The following DAP variants were observed in gnomAD, a reference collection of about 807,000 sequenced individuals.
DAP encodes the protein death-associated protein 1.
Under a neutral mutation model 13.8 loss-of-function variants are expected in DAP, and 8 were observed. The ratio of observed to expected loss-of-function variants is 0.58; its 90% confidence interval spans 0.34 to 1.05. The LOEUF (loss-of-function observed/expected upper bound fraction) is 1.05. DAP is among the 50% of genes least tolerant of loss of function. DAP has a pLI of 0.03. For synonymous variants in DAP, 47 were observed against 47.5 expected, an observed-to-expected ratio of 0.99 and a Z score of 0.04; for missense variants, 106 against 133.2, an observed-to-expected ratio of 0.80 and a Z score of 1.01.
chr5:10,703,881 C>A (rs1056008890), intron 2 of DAP, among the ~76,000 whole-genome samples: 2 of 152,254 alleles, frequency 1.3e-5, no homozygotes, highest in African/African-American at 4.8e-5. Context: ...TCCAGCCTTG[C>A]TGGGGGCCAG....
chr5:10,742,830 C>T (rs1004790867), intron 2 of DAP, among the ~76,000 whole-genome samples: 1 of 152,128 alleles, frequency 6.6e-6, no homozygotes, highest in South Asian at 2.1e-4. Flanking sequence ...GTTCTTTAGG[C>T]CCTCTCAGTG....
At chr5:10,681,282 T>C (rs2126631284) in intron 3 of DAP, 113 bp from the exon 4 acceptor site, 2 of 801,348 alleles carry the variant, frequency 2.5e-6, no homozygotes, top group South Asian at 4.1e-5. Flanking sequence ...AGCAATTGTG[T>C]GTGAGGAAGC....
At chr5:10,700,779 C>G (rs1463210394) in intron 2 of DAP, among the ~76,000 whole-genome samples, 1 of 152,222 alleles carries the variant, frequency 6.6e-6, no homozygotes, top group Non-Finnish European at 1.5e-5. Flanking sequence ...CATTATAGGA[C>G]TCAAGGCTGA....
chr5:10,680,684 C>T lies in DAP; in HGVS notation c.*372G>A. 1 of 1,498,292 alleles carries T rather than the reference C, an allele frequency of 6.7e-7. No homozygotes were observed. Among genetic ancestry groups the T allele is most frequent in the African/African-American group, 1.4e-5 (1 of 71,926 alleles). The allele number at this position is 1,498,292 out of a possible 1,614,324, so 92.8% of individuals were successfully genotyped here. A position where few individuals can be genotyped will look rare whatever the true frequency, so the allele number is the denominator to read the frequency against. ...AAAAGCATGCAATGACTGAGGTTTT[C>T]TCCTAACCTTAATCTCATCTTCTCA... On this transcript the variant is annotated 3_prime_UTR_variant, in exon 4 of 4. Coordinates refer to ENST00000230895, the MANE Select transcript of DAP (RefSeq NM_004394.3).
chr5:10,686,090 A>T (rs1471033934), intron 2 of DAP, among the ~76,000 whole-genome samples: 1 of 152,208 alleles, frequency 6.6e-6, no homozygotes, highest in African/African-American at 2.4e-5. Context: ...ATCTGTGGTC[A>T]TTGATCTTTG....
chr5:10,729,635 T>G (rs1739385754), intron 2 of DAP, among the ~76,000 whole-genome samples: 1 of 152,214 alleles, frequency 6.6e-6, no homozygotes, highest in East Asian at 1.9e-4. Context: ...TGTCCCTACC[T>G]AGAATGCCAG....
rs369852253 is a variant in DAP, at chr5:10,691,040, A to G, written c.153-7469T>C. ...GTACTGTGGTTTAGATTTAGCAACT[A>G]ATTTTAAGAATAAGCTTCCCTGCCA... On this transcript the variant is annotated intron_variant, in intron 2 of 3. Transcript: ENST00000230895. Among the ~76,000 whole-genome samples the G allele has an allele frequency of 3.9e-5, 6 of 152,240 alleles. No homozygotes were observed. In the East Asian group the frequency reaches 9.6e-4, roughly 24 times the overall value.
intron 2 of DAP, among the ~76,000 whole-genome samples, chr5:10,685,501 T>TAACA (rs139643104): frequency 0.084 from 12,862 of 152,232 alleles, 787 homozygotes; most frequent in East Asian, 0.32. Context: ...GTCTGAATTC[T>TAACA]AACATTTTAG....
At chr5:10,721,417 T>C (rs1739137562) in intron 2 of DAP, among the ~76,000 whole-genome samples, 1 of 152,000 alleles carries the variant, frequency 6.6e-6, no homozygotes, top group African/African-American at 2.4e-5. Flanking sequence ...GCCTGGACAC[T>C]TTGGGCTCTT....
intron 2 of DAP, among the ~76,000 whole-genome samples, chr5:10,720,542 G>A (rs565077771): frequency 4.6e-5 from 7 of 152,326 alleles, no homozygotes; most frequent in South Asian, 2.1e-4. Context: ...ACACCACTCA[G>A]CCTCTTTCCC....
chr5:10,747,486 C>T (rs967810477), intron 2 of DAP, among the ~76,000 whole-genome samples: 1 of 152,160 alleles, frequency 6.6e-6, no homozygotes, highest in Admixed American at 6.5e-5. Flanking sequence ...GCTGATGATC[C>T]GAGGGAGGAA....
intron 1 of DAP, 51 bp from the exon 2 acceptor site, chr5:10,748,322 T>C (rs1309482503): frequency 8.7e-6 from 13 of 1,488,134 alleles, no homozygotes; most frequent in Non-Finnish European, 1.2e-5. Flanking sequence ...GGGCTGCCTG[T>C]GGATCAGGGG....
chr5:10,732,777 T>C (rs1739497899), intron 2 of DAP, among the ~76,000 whole-genome samples: 1 of 152,240 alleles, frequency 6.6e-6, no homozygotes, highest in Non-Finnish European at 1.5e-5. Context: ...GCCTTGTTTT[T>C]TGTTTTAAAA....
chr5:10,726,422 T>A (rs1739289947), intron 2 of DAP, among the ~76,000 whole-genome samples: 1 of 152,238 alleles, frequency 6.6e-6, no homozygotes. Context: ...TGGGAGCTCA[T>A]GAGAAATAGT....
intron 2 of DAP, among the ~76,000 whole-genome samples, chr5:10,736,900 TCAAA>T (rs1431840675): frequency 6.6e-6 from 1 of 152,198 alleles, no homozygotes; most frequent in Non-Finnish European, 1.5e-5. Context: ...AGTTACCCCC[TCAAA>T]CAGACACTAC....
At chr5:10,727,094 A>G (rs1474798587) in intron 2 of DAP, among the ~76,000 whole-genome samples, 1 of 152,160 alleles carries the variant, frequency 6.6e-6, no homozygotes, top group Non-Finnish European at 1.5e-5. Context: ...TATTGTCCTA[A>G]AATGTCTCCT....
intron 1 of DAP, among the ~76,000 whole-genome samples, chr5:10,750,004 G>A (rs1190854009): frequency 6.6e-6 from 1 of 152,132 alleles, no homozygotes; most frequent in Non-Finnish European, 1.5e-5. Flanking sequence ...ATTAAGAAGA[G>A]AGAGGCGTTC....
intron 2 of DAP, among the ~76,000 whole-genome samples, chr5:10,694,626 G>T (rs1301728107): frequency 1.3e-5 from 2 of 152,230 alleles, no homozygotes; most frequent in Non-Finnish European, 2.9e-5. Flanking sequence ...CCCACTGTGT[G>T]CTGATGAAAG....
At chr5:10,700,939 T>C (rs1421004307) in intron 2 of DAP, among the ~76,000 whole-genome samples, 1 of 152,246 alleles carries the variant, frequency 6.6e-6, no homozygotes, top group Non-Finnish European at 1.5e-5. Context: ...AACAGAACTT[T>C]CCCAGAAAAT....
Sources: allele counts gnomAD v4.1 joint callset (sites outside exome capture counted in the v4.1 genomes callset), GRCh38; gene constraint gnomAD v4.1.1; transcripts MANE v1.5; gene names NCBI Gene and HGNC (gene_info 2026-07-23, HGNC 2026-07-21).